The following ZNF335 variants were observed in gnomAD, a reference collection of about 807,000 sequenced individuals.
The protein encoded by ZNF335 is zinc finger protein 335.
ZNF335 carries 84 observed loss-of-function variants against 145.6 expected under a neutral mutation model. The observed-to-expected ratio is 0.58, with a 90% CI of 0.48 to 0.69. The LOEUF (loss-of-function observed/expected upper bound fraction) is 0.69, where lower values mean the gene tolerates loss of function less well. ZNF335 is among the 30% of genes least tolerant of loss of function. The pLI is 0.00. For missense variants in ZNF335, 1,865 were observed against 1,809.7 expected, an observed-to-expected ratio of 1.03 and a Z score of -0.55; for synonymous variants, 761 against 717.0, an observed-to-expected ratio of 1.06 and a Z score of -0.98.
Position 45,960,690 on chromosome 20 carries a change from C to A in ZNF335, c.1708G>T (p.Val570Leu), listed in dbSNP as rs774858420. ...GTGAGTCTTTTCTGCATGGGGTACA[C>A]ACGGCCACACACAGGGCAGGGGAAA... Reference protein sequence around the residue: ...SSFPCPVCGRVYPMQKRLTQH... With the variant: ...SSFPCPVCGRLYPMQKRLTQH... Residue 570 changes from valine to leucine, a missense_variant, in exon 12 of 28, where the codon GTG becomes TTG. By Grantham distance (32) the Val-to-Leu change is conservative. Coordinates refer to ENST00000322927, the MANE Select transcript of ZNF335 (RefSeq NM_022095.4). 3 of 1,613,976 alleles carry A rather than the reference C, an allele frequency of 1.9e-6. No homozygotes were observed. In the African/African-American group the frequency reaches 4.0e-5, roughly 22 times the overall value.
At chr20:45,950,166 C>A in intron 22 of ZNF335, 53 bp downstream of exon 22, 1 of 1,581,264 alleles carries the variant, frequency 6.3e-7, no homozygotes. Flanking sequence ...GGCAGTGGCC[C>A]AAGTCTCTGG....
chr20:45,968,776 T>A (rs2084006017), intron 3 of ZNF335: 1 of 180,720 alleles, frequency 5.5e-6, no homozygotes. Flanking sequence ...TAACAAAAAG[T>A]GGGTACAGCA....
chr20:45,964,795 G>A (rs1244388933), intron 7 of ZNF335, among the ~76,000 whole-genome samples: 1 of 152,074 alleles, frequency 6.6e-6, no homozygotes, highest in Non-Finnish European at 1.5e-5. Flanking sequence ...CCAGCACTTT[G>A]GGAGGCTGAG....
rs1203524975 is a variant in ZNF335 at position 45,971,354 on chromosome 20, G to A, written c.57C>T (p.Pro19=). 1 of 1,600,094 alleles carries A rather than the reference G, an allele frequency of 6.2e-7. No individual in the cohort carries two copies. The highest frequency in any genetic ancestry group is 1.7e-5 in the Admixed American group (1 of 59,972). Residue 19 remains proline (P), a synonymous_variant, in exon 2 of 28, where the codon CCC becomes CCT. Transcript: ENST00000322927. ...CCAGGCCGCTCTCAGAGGGCTCCTC[G>A]GGCCGGCCAGGCCCAGGGGCCGCGT... ...SSDAAPGPGR[P]EEPSESGLGV...
Position 45,969,679 on chromosome 20 carries a change from C to A in ZNF335, c.214G>T (p.Glu72Ter). 1 of 1,611,542 alleles carries A rather than the reference C, an allele frequency of 6.2e-7. No homozygotes were observed. ...AGGGGGTCTGCGCTCGAGCTGCTCT[C>A]AGATACCTCCTCCTGAGGGGCATGA... is the stretch of plus-strand genomic sequence containing the variant. ...RGSRSQEEVS[E>*]SSSSADPLPN... Residue 72 changes from glutamate (E) to a stop codon, truncating the protein, a stop_gained, in exon 3 of 28, where the codon GAG becomes TAG. Coordinates refer to ENST00000322927, the MANE Select transcript of ZNF335 (RefSeq NM_022095.4). LOFTEE classifies it high-confidence loss of function.
At chr20:45,971,857 T>A in intron 1 of ZNF335, 1 of 985,240 alleles carries the variant, frequency 1.0e-6, no homozygotes, top group Non-Finnish European at 1.2e-6. Context: ...CCGGTTCCCC[T>A]GCGGAGGCGG....
rs1001799700 is a variant in ZNF335 at position 45,948,887 on chromosome 20, C to T, written c.*66G>A. ...ATCCTAAATGAAGAGGGAGGTGAGTCCTGGTGGCCCCCTACCCCCAGGAGA... is the reference window on the plus strand; with the variant it reads ...ATCCTAAATGAAGAGGGAGGTGAGTTCTGGTGGCCCCCTACCCCCAGGAGA... On this transcript the variant is annotated 3_prime_UTR_variant, in exon 28 of 28. Coordinates refer to ENST00000322927, the MANE Select transcript of ZNF335 (RefSeq NM_022095.4). 5 of 1,610,398 alleles carry T rather than the reference C, an allele frequency of 3.1e-6. No individual in the cohort carries two copies. The highest frequency in any genetic ancestry group is 2.7e-5 in the African/African-American group (2 of 74,890).
intron 7 of ZNF335, 67 bp downstream of exon 7, chr20:45,965,561 G>C: frequency 6.5e-7 from 1 of 1,534,526 alleles, no homozygotes; most frequent in African/African-American, 1.4e-5. Flanking sequence ...GAACTCCACA[G>C]AGACAAGCAG....
intron 10 of ZNF335, 35 bp downstream of exon 10, chr20:45,962,035 T>G: frequency 1.6e-4 from 129 of 805,448 alleles, no homozygotes; most frequent in Non-Finnish European, 2.3e-4. Context: ...CAACCTGGCC[T>G]CTCTTGCCCA....
At chr20:45,949,758 GGAGGTCACAGCT>G in intron 24 of ZNF335, 30 bp downstream of exon 24, 1 of 1,607,544 alleles carries the variant, frequency 6.2e-7, no homozygotes, top group Non-Finnish European at 8.5e-7. Context: ...TGGGAGGGTA[GGAGGTCACAGCT>G]GAGGGGATTA....
rs758887280 is a variant in ZNF335 at position 45,968,015 on chromosome 20, G to A, written c.533C>T (p.Thr178Ile). ...CAAGGTGGAACTGGACATTGGTGAT[G>A]TCATGGGGGCTCCTGGGGATGGGTG... ...LQGPDDGAPMTSPMSSSTLAH... is the reference protein window; with the variant it reads ...LQGPDDGAPMISPMSSSTLAH... The change falls in exon 5 of 28, where the codon ACA (threonine) becomes ATA (isoleucine). Residue 178 changes from threonine to isoleucine, a missense_variant. Thr to Ile is a moderately conservative substitution (Grantham distance 89). Coordinates refer to ENST00000322927, the MANE Select transcript of ZNF335 (RefSeq NM_022095.4). 2.5e-6 allele frequency: 4 copies of A among 1,612,594 alleles called. No individual in the cohort carries two copies. The highest frequency in any genetic ancestry group is 2.5e-6 in the Non-Finnish European group (3 of 1,180,028).
chr20:45,954,998 A>G (rs1221533140), intron 17 of ZNF335, among the ~76,000 whole-genome samples: 1 of 151,900 alleles, frequency 6.6e-6, no homozygotes, highest in Non-Finnish European at 1.5e-5. Flanking sequence ...GACTCAAGCA[A>G]TTCTCCTGCC....
chr20:45,950,035 T>A lies in ZNF335; in HGVS notation c.3522A>T (p.Pro1174=), dbSNP rs16990951. The change falls in exon 23 of 28, where the codon CCA becomes CCT. Residue 1174 remains proline, a synonymous_variant. Transcript: ENST00000322927. ...ALQSSHGVLG[P]ERLQQALSQE... is the part of the protein sequence containing the mutation. ...GGCTCAGTGCCTGCTGTAGCCGCTC[T>A]GGGCCCAGGACCCCGTGACTGGACT... 215,212 of 1,613,730 alleles carry A rather than the reference T, an allele frequency of 0.13. 16,588 individuals are homozygous for A. Among genetic ancestry groups the A allele is most frequent in the East Asian group, 0.33 (14,746 of 44,840 alleles).
chr20:45,953,584 T>C, intron 18 of ZNF335, 105 bp downstream of exon 18: 1 of 1,451,228 alleles, frequency 6.9e-7, no homozygotes, highest in Non-Finnish European at 9.4e-7. Context: ...TGATGTGTAT[T>C]GGGATTTTTG....
chr20:45,963,161 CTT>C (rs2083881051), intron 9 of ZNF335, among the ~76,000 whole-genome samples: 1 of 152,120 alleles, frequency 6.6e-6, no homozygotes, highest in South Asian at 2.1e-4. Flanking sequence ...TGCTGGAAAT[CTT>C]TCTAACACAT....
At chr20:45,970,942 G>A (rs1455429766) in intron 2 of ZNF335, among the ~76,000 whole-genome samples, 2 of 152,230 alleles carry the variant, frequency 1.3e-5, no homozygotes, top group African/African-American at 4.8e-5. Context: ...TAGTAGCTAA[G>A]ACCACAGCCT....
chr20:45,963,391 C>T, intron 9 of ZNF335, 82 bp downstream of exon 9: 4 of 1,487,346 alleles, frequency 2.7e-6, no homozygotes, highest in Non-Finnish European at 3.6e-6. Context: ...TCTGTGACTC[C>T]ATTCTCCCTC....
At chr20:45,968,518 T>G in intron 3 of ZNF335, 156 bp from the exon 4 acceptor site, 1 of 625,184 alleles carries the variant, frequency 1.6e-6, no homozygotes, top group Non-Finnish European at 2.8e-6. Context: ...CCCCTGAGCC[T>G]CAGTTGACTC....
At chr20:45,953,455 T>C (rs538031028) in intron 18 of ZNF335, among the ~76,000 whole-genome samples, 1 of 152,348 alleles carries the variant, frequency 6.6e-6, no homozygotes, top group African/African-American at 2.4e-5. Flanking sequence ...AAGGGAAATC[T>C]GGGTCTCATG....
Sources: gnomAD v4.1 joint callset for allele counts (sites outside exome capture counted in the v4.1 genomes callset) on GRCh38, gnomAD v4.1.1 for gene constraint, MANE v1.5 for transcripts, NCBI Gene and HGNC (gene_info 2026-07-23, HGNC 2026-07-21) for gene names.